RASA1: variants seen among roughly 807,000 people sequenced by gnomAD.
RASA1 encodes ras GTPase-activating protein 1.
Under a neutral mutation model 132.2 loss-of-function variants are expected in RASA1, and 25 were observed. The ratio of observed to expected loss-of-function variants is 0.19; its 90% CI spans 0.14 to 0.26. RASA1 has a LOEUF of 0.26. RASA1 is among the 10% of genes least tolerant of loss of function. The pLI is 1.00. For missense variants in RASA1, 964 were observed against 1,299.2 expected, an observed-to-expected ratio of 0.74 and a Z score of 3.97; for synonymous variants, 477 against 449.9, an observed-to-expected ratio of 1.06 and a Z score of -0.76.
intron 13 of RASA1, among the ~76,000 whole-genome samples, 180 bp downstream of exon 13, chr5:87,372,375 T>C (rs543308700): frequency 9.2e-5 from 14 of 152,150 alleles, no homozygotes; most frequent in Non-Finnish European, 1.8e-4. Context: ...TCTTAGTCCA[T>C]GCCAACTGTT....
intron 1 of RASA1, among the ~76,000 whole-genome samples, chr5:87,270,625 C>T (rs1254484870): frequency 1.4e-5 from 2 of 142,448 alleles, no homozygotes; most frequent in Admixed American, 7.1e-5. Flanking sequence ...GGGATTACAG[C>T]CGTAAGCCAC....
Position 87,356,383 on chromosome 5 carries a change from A to AT in RASA1, c.1332+3163dup, listed in dbSNP as rs11409141. On this transcript the variant is annotated intron_variant, in intron 9 of 24. Coordinates refer to ENST00000274376, the MANE Select transcript of RASA1 (RefSeq NM_002890.3). ...CTCACTGACGTCCTAGATGATTGTT[A>AT]TTTTTTTTTTTTTTTCTCCCTCCGG... Among the ~76,000 whole-genome samples, 354 of 141,640 alleles carry AT rather than the reference A, an allele frequency of 2.5e-3. 1 individual carries two copies. Among genetic ancestry groups the AT allele is most frequent in the South Asian group, 0.013 (60 of 4,462 alleles). 92.9% of individuals were successfully genotyped at this position (141,640 alleles called of 152,430 possible). A position where few individuals can be genotyped will look rare whatever the true frequency, so the allele number is the denominator to read the frequency against.
intron 1 of RASA1, among the ~76,000 whole-genome samples, chr5:87,319,362 G>A (rs749101331): frequency 6.6e-6 from 1 of 152,336 alleles, no homozygotes; most frequent in Non-Finnish European, 1.5e-5. Context: ...CCTAGTAGAG[G>A]GTCTCCATGA....
rs745472372 is a variant in RASA1 at position 87,389,502 on chromosome 5, T to G, written c.3035T>G (p.Leu1012Arg). ...GCTCATTCAGATGAACTTCGAACGC[T>G]CAGTAATGAGCGTGGTGCACAGCAG... ...CVAHSDELRT[L>R]SNERGAQQHV... is the part of the protein sequence containing the mutation. The change falls in exon 24 of 25, where the codon CTC (leucine) becomes CGC (arginine). Residue 1012 changes from leucine (L) to arginine (R), a missense_variant. By Grantham distance (102) the Leu-to-Arg change is moderately radical (BLOSUM62 -2). This residue lies in a region of RASA1 where 107 missense variants were observed against 163.8 expected (regional missense o/e 0.65). Transcript: ENST00000274376. The G allele has an allele frequency of 3.1e-6, 5 of 1,614,100 alleles. No individual in the cohort carries two copies. Among genetic ancestry groups the G allele is most frequent in the Non-Finnish European group, 4.2e-6 (5 of 1,179,966 alleles).
At chr5:87,291,360 CTG>C (rs1754903729) in intron 1 of RASA1, among the ~76,000 whole-genome samples, 3 of 152,026 alleles carry the variant, frequency 2.0e-5, no homozygotes, top group Admixed American at 6.6e-5. Flanking sequence ...GACTGCGACT[CTG>C]TCTCTACAAA....
chr5:87,336,085 T>C (rs954854620), intron 4 of RASA1, among the ~76,000 whole-genome samples: 1 of 152,180 alleles, frequency 6.6e-6, no homozygotes, highest in African/African-American at 2.4e-5. Context: ...AGCAAAAAAA[T>C]CATATAGCAG....
At chr5:87,342,679 C>T (rs927882959) in intron 6 of RASA1, among the ~76,000 whole-genome samples, 10 of 152,124 alleles carry the variant, frequency 6.6e-5, no homozygotes, top group African/African-American at 1.9e-4. Context: ...TATTCACTCA[C>T]GGTGTTAGGG....
chr5:87,321,699 A>T (rs1756823784), intron 1 of RASA1, among the ~76,000 whole-genome samples: 1 of 152,126 alleles, frequency 6.6e-6, no homozygotes, highest in African/African-American at 2.4e-5. Flanking sequence ...AGGGTATGCC[A>T]CTCTCCCAGC....
chr5:87,387,506 C>G (rs1275112292), intron 23 of RASA1, among the ~76,000 whole-genome samples: 1 of 152,058 alleles, frequency 6.6e-6, no homozygotes, highest in East Asian at 1.9e-4. Context: ...TTTTCAGGTA[C>G]TGAGTCAGTT....
At chr5:87,357,483 T>C (rs2112442471) in intron 9 of RASA1, among the ~76,000 whole-genome samples, 1 of 152,192 alleles carries the variant, frequency 6.6e-6, no homozygotes, top group East Asian at 1.9e-4. Context: ...CTTAGAATTT[T>C]CTAATTTAAG....
chr5:87,310,330 C>A (rs762938775), intron 1 of RASA1, among the ~76,000 whole-genome samples: 35 of 152,126 alleles, frequency 2.3e-4, no homozygotes, highest in Non-Finnish European at 4.3e-4. Context: ...AATTTATCAT[C>A]AAAATATTTG....
intron 20 of RASA1, among the ~76,000 whole-genome samples, chr5:87,382,929 T>TAAA (rs200006864): frequency 4.3e-5 from 6 of 138,858 alleles, no homozygotes; most frequent in African/African-American, 1.6e-4. Flanking sequence ...CAAAAATAAT[T>TAAA]AAAAAAAAAA....
intron 20 of RASA1, among the ~76,000 whole-genome samples, chr5:87,382,467 A>G (rs558677423): frequency 6.6e-6 from 1 of 152,196 alleles, no homozygotes; most frequent in Non-Finnish European, 1.5e-5. Context: ...GATTATGTCT[A>G]TCAATCTGTA....
In RASA1 at chr5:87,376,875, T is replaced by C; in HGVS notation, c.2185-6T>C. ...CTTTAAACAATCTTTTAAAATGTCA[T>C]TTTAGCTTATACTGCAAAAGGAACT... is the stretch of plus-strand genomic sequence containing the variant. On this transcript the variant is annotated splice_polypyrimidine_tract_variant and splice_region_variant and intron_variant, in intron 16 of 24. Coordinates refer to ENST00000274376, the MANE Select transcript of RASA1 (RefSeq NM_002890.3). 6.3e-7 allele frequency: 1 copy of C among 1,593,780 alleles called. No individual in the cohort carries two copies. The highest frequency in any genetic ancestry group is 1.7e-4 in the Middle Eastern group (1 of 6,028).
intron 9 of RASA1, among the ~76,000 whole-genome samples, chr5:87,353,849 C>T (rs545960367): frequency 2.6e-5 from 4 of 152,210 alleles, no homozygotes; most frequent in South Asian, 2.1e-4. Flanking sequence ...AGTTGCTTAA[C>T]GCTTAGGGTG....
intron 9 of RASA1, among the ~76,000 whole-genome samples, chr5:87,355,636 T>A (rs1038507326): frequency 2.0e-5 from 3 of 152,236 alleles, no homozygotes; most frequent in African/African-American, 7.2e-5. Flanking sequence ...GGAGTAATTT[T>A]GACTTTCAAA....
chr5:87,286,768 G>T (rs766246934), intron 1 of RASA1, among the ~76,000 whole-genome samples: 1 of 151,068 alleles, frequency 6.6e-6, no homozygotes, highest in Non-Finnish European at 1.5e-5. Flanking sequence ...AAAAGAAATA[G>T]ATTTTACACC....
chr5:87,351,773 T>G (rs753006449), intron 8 of RASA1, among the ~76,000 whole-genome samples: 5 of 151,784 alleles, frequency 3.3e-5, no homozygotes, highest in Non-Finnish European at 7.4e-5. Flanking sequence ...GGTAAAAACC[T>G]ATCTGATTGG....
intron 1 of RASA1, among the ~76,000 whole-genome samples, chr5:87,309,344 A>G (rs1005285528): frequency 6.6e-6 from 1 of 152,160 alleles, no homozygotes; most frequent in African/African-American, 2.4e-5. Context: ...AAGAGCAATC[A>G]GACAGGATAG....
Sources: gnomAD v4.1 joint callset for allele counts (sites outside exome capture counted in the v4.1 genomes callset) on GRCh38, gnomAD v4.1.1 for gene constraint, gnomAD v4.1.1 regional missense constraint, MANE v1.5 for transcripts, NCBI Gene and HGNC (gene_info 2026-07-23, HGNC 2026-07-21) for gene names.